TGFBRAP1: variants seen among roughly 807,000 people sequenced by gnomAD.
The protein encoded by TGFBRAP1 is transforming growth factor-beta receptor-associated protein 1.
Under a neutral mutation model 83.2 loss-of-function variants are expected in TGFBRAP1, and 20 were observed. The observed-to-expected ratio is 0.24, with a 90% CI of 0.17 to 0.35. TGFBRAP1 has a LOEUF of 0.35. TGFBRAP1 is among the 10% of genes least tolerant of loss of function. The pLI is 1.00. For synonymous variants in TGFBRAP1, 415 were observed against 459.8 expected (o/e 0.90, Z 1.25); for missense variants, 950 against 1,099.4 (o/e 0.86, Z 1.92).
chr2:105,254,086 TA>T, the TGFBRAP1 span, among the ~76,000 whole-genome samples: 1 of 152,172 alleles, frequency 6.6e-6, no homozygotes, highest in Non-Finnish European at 1.5e-5. Flanking sequence ...TTTTACCATT[TA>T]AACAAATGCT....
chr2:105,305,106 T>A (rs1678452095), intron 2 of TGFBRAP1, among the ~76,000 whole-genome samples: 1 of 152,188 alleles, frequency 6.6e-6, no homozygotes, highest in Non-Finnish European at 1.5e-5. Flanking sequence ...TGTACCACTG[T>A]CGTGTGGATA....
downstream of TGFBRAP1, among the ~76,000 whole-genome samples, chr2:105,260,551 T>C (rs1676765768): frequency 6.6e-6 from 1 of 152,102 alleles, no homozygotes; most frequent in South Asian, 2.1e-4. Context: ...GTCAAGCTCA[T>C]AGAGATAGAA....
rs1041623691 is a variant in TGFBRAP1 at position 105,265,252 on chromosome 2, C to G, written c.*2131G>C. 2 of 152,236 alleles carry G rather than the reference C, an allele frequency of 1.3e-5. No individual in the cohort carries two copies. The highest frequency in any genetic ancestry group is 2.9e-5 in the Non-Finnish European group (2 of 68,072). 9.4% of individuals were successfully genotyped at this position (152,236 alleles called of 1,614,324 possible). ...TTGGGAGGCCGAGGCAGGCAGATCA[C>G]GAGGTCAGGAGACCGAGACCATCCT... On this transcript the variant is annotated 3_prime_UTR_variant, in exon 12 of 12. Transcript: ENST00000393359.
At chr2:105,323,102 T>C (rs1008701676) in intron 1 of TGFBRAP1, among the ~76,000 whole-genome samples, 1 of 152,162 alleles carries the variant, frequency 6.6e-6, no homozygotes, top group African/African-American at 2.4e-5. Flanking sequence ...CACCTTGCCT[T>C]ATTCCCCATG....
chr2:105,263,562 C>T (rs1048464465), downstream of TGFBRAP1, among the ~76,000 whole-genome samples: 3 of 151,862 alleles, frequency 2.0e-5, no homozygotes, highest in African/African-American at 7.2e-5. Flanking sequence ...TCACCCCAAT[C>T]CACTGAAATG....
intron 3 of TGFBRAP1, among the ~76,000 whole-genome samples, chr2:105,297,066 T>G (rs1311410347): frequency 6.6e-6 from 1 of 152,086 alleles, no homozygotes; most frequent in Admixed American, 6.6e-5. Context: ...TGGCCCATGG[T>G]CAACACTGCC....
intron 2 of TGFBRAP1, among the ~76,000 whole-genome samples, chr2:105,303,208 T>C (rs1286841302): frequency 6.6e-6 from 1 of 152,220 alleles, no homozygotes; most frequent in Non-Finnish European, 1.5e-5. Flanking sequence ...GGCGAGAGGC[T>C]TGCTTGAGCC....
At chr2:105,270,178 T>C (rs779926311) in intron 10 of TGFBRAP1, among the ~76,000 whole-genome samples, 2 of 152,180 alleles carry the variant, frequency 1.3e-5, no homozygotes, top group Non-Finnish European at 2.9e-5. Flanking sequence ...CAATGTAAAG[T>C]AGATTTCATT....
intron 4 of TGFBRAP1, among the ~76,000 whole-genome samples, chr2:105,288,727 C>T (rs1677798010): frequency 6.6e-6 from 1 of 152,124 alleles, no homozygotes; most frequent in Non-Finnish European, 1.5e-5. Context: ...TAAACAGAAA[C>T]ATCTTTCCCG....
At chr2:105,260,434 G>T (rs552075715), downstream of TGFBRAP1, among the ~76,000 whole-genome samples, 1 of 152,060 alleles carries the variant, frequency 6.6e-6, no homozygotes, top group Admixed American at 6.6e-5. Flanking sequence ...AAATTCTGAC[G>T]TATGCTACAA....
intron 8 of TGFBRAP1, among the ~76,000 whole-genome samples, chr2:105,275,294 G>C (rs934927464): frequency 2.6e-5 from 4 of 152,222 alleles, no homozygotes; most frequent in African/African-American, 9.6e-5. Flanking sequence ...ATGCAAGCTG[G>C]CTATGTCTTG....
chr2:105,288,288 G>A (rs1677783171), intron 4 of TGFBRAP1, among the ~76,000 whole-genome samples: 1 of 152,180 alleles, frequency 6.6e-6, no homozygotes, highest in Non-Finnish European at 1.5e-5. Context: ...CCCTGAGCCA[G>A]TGCACCCCTG....
At chr2:105,322,912 C>A (rs2679875) in intron 1 of TGFBRAP1, among the ~76,000 whole-genome samples, 1 of 151,934 alleles carries the variant, frequency 6.6e-6, no homozygotes. Context: ...GCCTTTGAGA[C>A]GGATGGGGGG....
chr2:105,304,769 C>T (rs1158690173), intron 2 of TGFBRAP1, among the ~76,000 whole-genome samples: 2 of 152,084 alleles, frequency 1.3e-5, no homozygotes, highest in African/African-American at 4.8e-5. Flanking sequence ...GGCGACAGAG[C>T]GAGACTCCGT....
the TGFBRAP1 span, among the ~76,000 whole-genome samples, chr2:105,257,482 T>C: frequency 6.6e-6 from 1 of 152,184 alleles, no homozygotes; most frequent in East Asian, 1.9e-4. Context: ...CTGACTATTC[T>C]AGGTGTCTCA....
At chr2:105,255,700 G>A in the TGFBRAP1 span, among the ~76,000 whole-genome samples, 3 of 152,146 alleles carry the variant, frequency 2.0e-5, no homozygotes, top group Non-Finnish European at 2.9e-5. Context: ...CCATGGGGTC[G>A]CCATCCACCT....
At chr2:105,308,965 C>T (rs553628905) in intron 1 of TGFBRAP1, among the ~76,000 whole-genome samples, 1 of 152,338 alleles carries the variant, frequency 6.6e-6, no homozygotes, top group Non-Finnish European at 1.5e-5. Context: ...TCAGCCTCAG[C>T]TCCGGAGTAA....
chr2:105,287,195 G>A (rs562734364), intron 4 of TGFBRAP1, among the ~76,000 whole-genome samples: 83 of 152,160 alleles, frequency 5.5e-4, no homozygotes, highest in Middle Eastern at 3.4e-3. Flanking sequence ...GGGCTGGTGG[G>A]GGTGTAGGGT....
chr2:105,269,081 C>T lies in TGFBRAP1; in HGVS notation c.2406+191G>A, dbSNP rs1677051134. Among the ~76,000 whole-genome samples, 1 of 152,242 alleles carries T rather than the reference C, an allele frequency of 6.6e-6. No homozygotes were observed. The highest frequency in any genetic ancestry group is 1.9e-4 in the East Asian group (1 of 5,200). ...GGGGAGAAAAACTACACCGATGTTA[C>T]ACCTACCAGCCCAGCCTCTGCCTCT... On this transcript the variant is annotated intron_variant, in intron 11 of 11. Coordinates refer to ENST00000393359, the MANE Select transcript of TGFBRAP1 (RefSeq NM_004257.6). The surrounding 1 kb of genome is among the most constrained non-coding windows in gnomAD (Gnocchi z 4.1).
Sources: allele counts gnomAD v4.1 joint callset (sites outside exome capture counted in the v4.1 genomes callset), GRCh38; gene constraint gnomAD v4.1.1; non-coding constraint Gnocchi (gnomAD v3.1); transcripts MANE v1.5; gene names NCBI Gene and HGNC (gene_info 2026-07-23, HGNC 2026-07-21).